Variants in MCC observed in about 807,000 individuals in gnomAD.
MCC encodes colorectal mutant cancer protein.
In MCC, 90 loss-of-function variants were observed where a neutral mutation model predicts 116.2. That is an observed-to-expected ratio of 0.77 (90% CI 0.65 to 0.92). The LOEUF is 0.92. MCC is among the 40% of genes least tolerant of loss of function. The probability of loss-of-function intolerance (pLI) is 0.00; values close to 1 mark genes in which losing one functional copy is unlikely to be tolerated. For synonymous variants in MCC, 578 were observed against 510.5 expected, an observed-to-expected ratio of 1.13 and a Z score of -1.78; for missense variants, 1,516 against 1,312.2, an observed-to-expected ratio of 1.16 and a Z score of -2.40.
chr5:113,168,783 A>C (rs2150302041), intron 3 of MCC, among the ~76,000 whole-genome samples: 1 of 152,254 alleles, frequency 6.6e-6, no homozygotes, highest in East Asian at 1.9e-4. Context: ...TGAGACAGGC[A>C]GCAGAGAACG....
At chr5:113,203,085 C>G (rs984356440) in intron 3 of MCC, among the ~76,000 whole-genome samples, 1 of 152,176 alleles carries the variant, frequency 6.6e-6, no homozygotes, top group African/African-American at 2.4e-5. Flanking sequence ...AGCCAATACT[C>G]AGGACCAGGG....
At chr5:113,090,658 G>A (rs1242124862) in intron 8 of MCC, among the ~76,000 whole-genome samples, 3 of 152,172 alleles carry the variant, frequency 2.0e-5, no homozygotes, top group Non-Finnish European at 2.9e-5. Flanking sequence ...CCAGAAGGAC[G>A]ATGGCAGACT....
intron 3 of MCC, among the ~76,000 whole-genome samples, chr5:113,337,990 A>G (rs10057210): frequency 0.54 from 82,448 of 152,006 alleles, 24,155 homozygotes; most frequent in African/African-American, 0.76. Flanking sequence ...ACTCTCACGT[A>G]TCTGACAGAA....
rs968827068 is a variant in MCC at position 113,286,842 on chromosome 5, G to T, written c.627+53677C>A. 5.3e-5 allele frequency among the ~76,000 whole-genome samples: 8 copies of T among 152,096 alleles called. No individual in the cohort carries two copies. In the East Asian group the frequency reaches 1.2e-3, roughly 22 times the overall value. On this transcript the variant is annotated intron_variant, in intron 3 of 18. Coordinates refer to ENST00000408903, the MANE Select transcript of MCC (RefSeq NM_001085377.2). ...GCTTTACAACCTTATTCACTCCTGT[G>T]GCAATGAAAACCCTTGAAAAGGTTT...
chr5:113,472,931 A>C (rs1390516521), intron 1 of MCC, among the ~76,000 whole-genome samples: 1 of 152,210 alleles, frequency 6.6e-6, no homozygotes, highest in Non-Finnish European at 1.5e-5. Context: ...CTATTGGTTC[A>C]TTCATTCAAT....
intron 3 of MCC, among the ~76,000 whole-genome samples, chr5:113,187,787 T>C (rs1353279408): frequency 6.8e-6 from 1 of 146,028 alleles, no homozygotes; most frequent in Non-Finnish European, 1.5e-5. Flanking sequence ...AAAGAAAACA[T>C]ACCAACAAAA....
At chr5:113,195,508 T>C (rs1446246530) in intron 3 of MCC, among the ~76,000 whole-genome samples, 1 of 152,118 alleles carries the variant, frequency 6.6e-6, no homozygotes, top group African/African-American at 2.4e-5. Context: ...TTAATGCATT[T>C]CCAATTGCAT....
chr5:113,248,968 C>T (rs766698861), intron 3 of MCC, among the ~76,000 whole-genome samples: 1 of 151,932 alleles, frequency 6.6e-6, no homozygotes, highest in African/African-American at 2.4e-5. Context: ...CTCAGCCTCC[C>T]GAGTAGCTGG....
At chr5:113,180,379 G>A (rs1039169072) in intron 3 of MCC, among the ~76,000 whole-genome samples, 3 of 152,248 alleles carry the variant, frequency 2.0e-5, no homozygotes, top group Non-Finnish European at 4.4e-5. Context: ...CAGATTTATG[G>A]AATATATTGT....
At chr5:113,058,348 G>A (rs1036447116) in intron 14 of MCC, among the ~76,000 whole-genome samples, 8 of 152,144 alleles carry the variant, frequency 5.3e-5, no homozygotes, top group African/African-American at 1.7e-4. Context: ...GGGGTCCCGG[G>A]CTGGCCGCAT....
At chr5:113,332,710 T>C (rs749611847) in intron 3 of MCC, among the ~76,000 whole-genome samples, 12 of 151,642 alleles carry the variant, frequency 7.9e-5, no homozygotes, top group South Asian at 2.1e-4. Flanking sequence ...TGGGGTTACC[T>C]TCCATGCTGG....
intron 3 of MCC, among the ~76,000 whole-genome samples, chr5:113,322,188 C>CCA (rs745617895): frequency 2.0e-5 from 3 of 152,158 alleles, no homozygotes; most frequent in Non-Finnish European, 4.4e-5. Context: ...GATTTGTGGA[C>CCA]CACACTTACT....
rs146381493 is a variant in MCC at position 113,287,260 on chromosome 5, G to A, written c.627+53259C>T. On this transcript the variant is annotated intron_variant, in intron 3 of 18. Transcript: ENST00000408903. ...CCCCTCCTCTCAGAATCTAGAGATGGCTTAAAATATAATTTTCATTTTCTG... is the reference window on the plus strand; with the variant it reads ...CCCCTCCTCTCAGAATCTAGAGATGACTTAAAATATAATTTTCATTTTCTG... Among the ~76,000 whole-genome samples, 190 of 152,204 alleles carry A rather than the reference G, an allele frequency of 1.2e-3. 7 individuals are homozygous for A. In the East Asian group the frequency reaches 0.02, roughly 16 times the overall value.
chr5:113,335,310 T>A (rs1767844664), intron 3 of MCC, among the ~76,000 whole-genome samples: 1 of 151,782 alleles, frequency 6.6e-6, no homozygotes, highest in South Asian at 2.1e-4. Flanking sequence ...TCATCAACTT[T>A]CTGTTGTCCA....
chr5:113,329,584 A>G (rs895212314), intron 3 of MCC, among the ~76,000 whole-genome samples: 1 of 152,206 alleles, frequency 6.6e-6, no homozygotes, highest in African/African-American at 2.4e-5. Context: ...AAAGCCATAC[A>G]AACTAGTTTC....
intron 1 of MCC, among the ~76,000 whole-genome samples, chr5:113,414,044 A>T (rs1432831815): frequency 6.6e-6 from 1 of 152,192 alleles, no homozygotes; most frequent in Non-Finnish European, 1.5e-5. Flanking sequence ...GTAGTCATTC[A>T]GGAGCAGGTT....
chr5:113,130,967 C>T (rs1363703127), intron 5 of MCC, among the ~76,000 whole-genome samples: 3 of 152,206 alleles, frequency 2.0e-5, no homozygotes, highest in African/African-American at 7.2e-5. Context: ...CTCCCAAAGG[C>T]CTCATCTCCA....
chr5:113,482,759 G>C (rs943500405), intron 1 of MCC, among the ~76,000 whole-genome samples: 2 of 152,116 alleles, frequency 1.3e-5, no homozygotes, highest in African/African-American at 4.8e-5. Context: ...ATTTGCGGAA[G>C]CCTAATTTAA....
chr5:113,296,517 G>A (rs1766716149), intron 3 of MCC, among the ~76,000 whole-genome samples: 1 of 152,184 alleles, frequency 6.6e-6, no homozygotes, highest in Non-Finnish European at 1.5e-5. Context: ...GCAGAGATGG[G>A]AAGTAAGGGG....
Sources: gnomAD v4.1 joint callset for allele counts (sites outside exome capture counted in the v4.1 genomes callset) on GRCh38, gnomAD v4.1.1 for gene constraint, MANE v1.5 for transcripts, NCBI Gene and HGNC (gene_info 2026-07-23, HGNC 2026-07-21) for gene names.